Variants in SPHKAP observed in about 807,000 individuals in gnomAD.
SPHKAP encodes SPHK1 interactor, AKAP domain containing.
SPHKAP carries 67 observed loss-of-function variants against 137.5 expected under a neutral mutation model. The ratio of observed to expected loss-of-function variants is 0.49; its 90% CI spans 0.40 to 0.60. The LOEUF is 0.60. Among genes scored for constraint, SPHKAP ranks in the 20% least tolerant of loss-of-function variants. The pLI is 0.00. For synonymous variants in SPHKAP, 813 were observed against 785.3 expected (o/e 1.04, Z -0.59); for missense variants, 2,097 against 2,069.3 (o/e 1.01, Z -0.26).
intron 1 of SPHKAP, among the ~76,000 whole-genome samples, chr2:228,147,994 A>G (rs1699826482): frequency 6.6e-6 from 1 of 152,186 alleles, no homozygotes; most frequent in Non-Finnish European, 1.5e-5. Flanking sequence ...ATCCGAACCT[A>G]GACGAAACTG....
intron 3 of SPHKAP, among the ~76,000 whole-genome samples, chr2:228,084,941 A>T (rs1697492310): frequency 6.6e-6 from 1 of 152,228 alleles, no homozygotes; most frequent in African/African-American, 2.4e-5. Flanking sequence ...TGTTACTGAG[A>T]TAAACCAAAA....
intron 3 of SPHKAP, among the ~76,000 whole-genome samples, chr2:228,063,498 A>G (rs1034932721): frequency 4.6e-4 from 70 of 152,202 alleles, no homozygotes; most frequent in Non-Finnish European, 6.5e-4. Flanking sequence ...TTTTGCAACA[A>G]TGTAGAATTT....
At chr2:228,035,439 G>A (rs1304253262) in intron 3 of SPHKAP, among the ~76,000 whole-genome samples, 1 of 152,142 alleles carries the variant, frequency 6.6e-6, no homozygotes, top group Non-Finnish European at 1.5e-5. Context: ...TCAATATTGT[G>A]AAAATGGCCA....
intron 2 of SPHKAP, among the ~76,000 whole-genome samples, chr2:228,119,471 A>T (rs748208078): frequency 2.0e-3 from 297 of 148,550 alleles, no homozygotes; most frequent in South Asian, 0.01. Flanking sequence ...ACACACACAC[A>T]CTCTCTCTCT....
chr2:228,004,980 T>C (rs980213265), intron 7 of SPHKAP, among the ~76,000 whole-genome samples: 4 of 151,826 alleles, frequency 2.6e-5, no homozygotes, highest in Non-Finnish European at 4.4e-5. Context: ...CTTCCAACTA[T>C]GTGAATTTTG....
rs1187583123 is a variant in SPHKAP at position 228,017,499 on chromosome 2, G to C, written c.3355C>G (p.Gln1119Glu). 6.2e-7 allele frequency: 1 copy of C among 1,613,514 alleles called. No individual in the cohort carries two copies. The highest frequency in any genetic ancestry group is 1.7e-5 in the Admixed American group (1 of 60,008). ...PVSRASSVSK[Q>E]SSCESITDEF... The stretch of plus-strand genomic sequence containing the variant: ...TCGGTGATGCTCTCACAGCTCGACT[G>C]CTTGGAGACAGAGCTGGCCCTGCTG... Residue 1119 changes from glutamine (Q) to glutamate (E), a missense_variant, in exon 7 of 12, where the codon CAG (glutamine) becomes GAG (glutamate). Coordinates refer to ENST00000392056, the MANE Select transcript of SPHKAP (RefSeq NM_001142644.2).
chr2:228,005,873 T>C (rs1694107369), intron 7 of SPHKAP, among the ~76,000 whole-genome samples: 1 of 152,266 alleles, frequency 6.6e-6, no homozygotes. Context: ...TGTTGAATAT[T>C]GGCCCCCACT....
rs754167845 is a variant in SPHKAP, at chr2:228,017,168, C to G, written c.3686G>C (p.Arg1229Pro). The G allele has an allele frequency of 1.2e-6, 2 of 1,613,876 alleles. No homozygotes were observed. Among genetic ancestry groups the G allele is most frequent in the South Asian group, 2.2e-5 (2 of 91,058 alleles). The change falls in exon 7 of 12, where the codon CGA (arginine) becomes CCA (proline). Residue 1229 changes from arginine (R) to proline (P), a missense_variant. Transcript: ENST00000392056. ...CGACTGTCTGTGGCACACTGGGGAT[C>G]GCAGAGAAGGAGACAGCAGGCCGGC... ...WTAGLLSPSL[R>P]SPVCHRQSSM... is the part of the protein sequence containing the mutation.
intron 1 of SPHKAP, among the ~76,000 whole-genome samples, chr2:228,155,124 C>G (rs1700071169): frequency 6.6e-6 from 1 of 152,042 alleles, no homozygotes; most frequent in African/African-American, 2.4e-5. Flanking sequence ...AATTCATTTT[C>G]TTTCAGAAGA....
chr2:228,119,471 A>G (rs748208078), intron 2 of SPHKAP, among the ~76,000 whole-genome samples: 1 of 148,462 alleles, frequency 6.7e-6, no homozygotes, highest in Non-Finnish European at 1.5e-5. Context: ...ACACACACAC[A>G]CTCTCTCTCT....
chr2:227,993,401 C>G, intron 9 of SPHKAP, 133 bp downstream of exon 9: 1 of 809,006 alleles, frequency 1.2e-6, no homozygotes, highest in South Asian at 1.7e-5. Context: ...AATTCTTCCT[C>G]CAGTGACATG....
chr2:227,991,201 C>G lies in SPHKAP; in HGVS notation c.4775-17G>C, dbSNP rs765014342. The G allele has an allele frequency of 1.2e-6, 2 of 1,614,104 alleles. No individual in the cohort carries two copies. Among genetic ancestry groups the G allele is most frequent in the South Asian group, 2.2e-5 (2 of 91,078 alleles). On this transcript the variant is annotated splice_polypyrimidine_tract_variant and intron_variant, in intron 10 of 11. Transcript: ENST00000392056. Reference sequence around the variant, plus strand: ...ATGCAGGTGCTGAGAACAGACACAACCACAGCCTTATCCTTCTTTCCAAAG... The same window carrying G: ...ATGCAGGTGCTGAGAACAGACACAAGCACAGCCTTATCCTTCTTTCCAAAG...
At chr2:227,990,914 G>T in intron 11 of SPHKAP, 86 bp downstream of exon 11, 2 of 1,339,454 alleles carry the variant, frequency 1.5e-6, no homozygotes, top group South Asian at 1.3e-5. Context: ...AATTCAAATG[G>T]ACAGGGGTTT....
intron 5 of SPHKAP, among the ~76,000 whole-genome samples, chr2:228,022,725 G>A (rs1460313385): frequency 6.6e-6 from 1 of 152,150 alleles, no homozygotes. Context: ...GAGTCAGGAA[G>A]GAGCCTGTCT....
rs191867087 is a variant in SPHKAP, at chr2:228,033,744, T to C, written c.247-6201A>G. Among the ~76,000 whole-genome samples, 211 of 152,222 alleles carry C rather than the reference T, an allele frequency of 1.4e-3. 1 individual carries two copies. Among genetic ancestry groups the C allele is most frequent in the African/African-American group, 4.6e-3 (189 of 41,520 alleles). On this transcript the variant is annotated intron_variant, in intron 3 of 11. Coordinates refer to ENST00000392056, the MANE Select transcript of SPHKAP (RefSeq NM_001142644.2). ...AGAAACTCACTCAAAACCACTCAAC[T>C]ACATGGAAACTGAACAACCTGCTCC...
At chr2:228,062,418 C>G (rs1696680443) in intron 3 of SPHKAP, among the ~76,000 whole-genome samples, 2 of 152,104 alleles carry the variant, frequency 1.3e-5, no homozygotes, top group African/African-American at 4.8e-5. Context: ...CGTGAGCCAC[C>G]ACACCCGGCC....
intron 1 of SPHKAP, among the ~76,000 whole-genome samples, chr2:228,150,836 G>T (rs541656089): frequency 1.6e-4 from 24 of 151,638 alleles, no homozygotes; most frequent in Non-Finnish European, 3.2e-4. Flanking sequence ...TCACAGCCTC[G>T]ATCTCCTTGG....
intron 1 of SPHKAP, among the ~76,000 whole-genome samples, chr2:228,177,242 T>C (rs1214868643): frequency 6.6e-6 from 1 of 151,972 alleles, no homozygotes; most frequent in Admixed American, 6.6e-5. Context: ...TCCAGTCTCT[T>C]AACCAACTAT....
chr2:228,144,549 T>C (rs1699712713), intron 1 of SPHKAP, among the ~76,000 whole-genome samples: 1 of 151,970 alleles, frequency 6.6e-6, no homozygotes, highest in South Asian at 2.1e-4. Flanking sequence ...TGCCCCTTTC[T>C]ATATTTTTTA....
Sources: gnomAD v4.1 joint callset for allele counts (sites outside exome capture counted in the v4.1 genomes callset) on GRCh38, gnomAD v4.1.1 for gene constraint, MANE v1.5 for transcripts, NCBI Gene and HGNC (gene_info 2026-07-23, HGNC 2026-07-21) for gene names.